The following PHKG2 variants were observed in gnomAD, a reference collection of about 807,000 sequenced individuals.
The protein encoded by PHKG2 is phosphorylase kinase catalytic subunit gamma 2, also known as phosphorylase b kinase gamma catalytic chain, liver/testis isoform.
In PHKG2, 28 loss-of-function variants were observed where a neutral mutation model predicts 44.5. The ratio of observed to expected loss-of-function variants is 0.63; its 90% CI spans 0.47 to 0.86. The LOEUF is 0.86. Among genes scored for constraint, PHKG2 ranks in the 40% least tolerant of loss-of-function variants. The probability of loss-of-function intolerance (pLI) is 0.00; values close to 1 mark genes in which losing one functional copy is unlikely to be tolerated. For missense variants in PHKG2, 498 were observed against 547.5 expected (o/e 0.91, Z 0.90); for synonymous variants, 220 against 211.2 (o/e 1.04, Z -0.36).
At chr16:30,755,511 C>CTA (rs1348952504) in intron 6 of PHKG2, among the ~76,000 whole-genome samples, 2 of 151,014 alleles carry the variant, frequency 1.3e-5, no homozygotes, top group Non-Finnish European at 3.0e-5. Flanking sequence ...CCTGTCTCTA[C>CTA]TAAAGATTCA....
Position 30,748,445 on chromosome 16 carries a change from A to G in PHKG2, c.-64A>G. 1 of 276,454 alleles carries G rather than the reference A, an allele frequency of 3.6e-6. No homozygotes were observed. The highest frequency in any genetic ancestry group is 6.9e-6 in the Non-Finnish European group (1 of 144,358). 17.1% of individuals were successfully genotyped at this position (276,454 alleles called of 1,614,324 possible). ...TGAGCGACTGCAGGCAAACCCGGCG[A>G]CAGCGCAGCTCGCGTCGACCCTGGC... On this transcript the variant is annotated 5_prime_UTR_variant, in exon 1 of 10. Coordinates refer to ENST00000563588, the MANE Select transcript of PHKG2 (RefSeq NM_000294.3).
At chr16:30,750,143 A>G (rs917748520) in intron 2 of PHKG2, among the ~76,000 whole-genome samples, 2 of 152,124 alleles carry the variant, frequency 1.3e-5, no homozygotes, top group African/African-American at 4.8e-5. Context: ...GTAAGAGAGT[A>G]GGAAGTGTTG....
In PHKG2 at chr16:30,758,940, T is replaced by G; in HGVS notation, c.*1843T>G. The G allele has an allele frequency of 6.3e-7, 1 of 1,588,364 alleles. No individual in the cohort carries two copies. Among genetic ancestry groups the G allele is most frequent in the Non-Finnish European group, 8.6e-7 (1 of 1,168,602 alleles). ...ACTAAAAACAAAAAGTCTGAAGTCCTGATGTCATCCAAACCCTTCATTCTA... is the reference window on the plus strand; with the variant it reads ...ACTAAAAACAAAAAGTCTGAAGTCCGGATGTCATCCAAACCCTTCATTCTA... On this transcript the variant is annotated 3_prime_UTR_variant, in exon 10 of 10. Transcript: ENST00000563588.
At chr16:30,752,323 C>T (rs1448722548) in intron 4 of PHKG2, among the ~76,000 whole-genome samples, 3 of 146,802 alleles carry the variant, frequency 2.0e-5, no homozygotes, top group Non-Finnish European at 4.5e-5. Flanking sequence ...ACCCGGGAGG[C>T]GGAGGTTGCA....
Position 30,748,893 on chromosome 16 carries a change from G to T in PHKG2, c.73G>T (p.Asp25Tyr). 6.4e-7 allele frequency: 1 copy of T among 1,553,996 alleles called. No homozygotes were observed. Among genetic ancestry groups the T allele is most frequent in the Non-Finnish European group, 8.7e-7 (1 of 1,148,166 alleles). Reference protein sequence around the residue: ...AAAKEFYQKYDPKDVIGRGVS... With the variant: ...AAAKEFYQKYYPKDVIGRGVS... The stretch of plus-strand genomic sequence containing the variant: ...CGCCAAAGAGTTTTACCAGAAGTAC[G>T]ACCCTAAGGACGTCATCGGCAGGTA... The change falls in exon 2 of 10, where the codon GAC (aspartate) becomes TAC (tyrosine). Residue 25 changes from aspartate to tyrosine, a missense_variant. Asp to Tyr is a radical substitution (Grantham distance 160). Coordinates refer to ENST00000563588, the MANE Select transcript of PHKG2 (RefSeq NM_000294.3).
rs1013916108 is a variant in PHKG2 at position 30,760,390 on chromosome 16, C to A, written c.*3293C>A. The A allele has an allele frequency of 3.1e-6, 5 of 1,614,090 alleles. No individual in the cohort carries two copies. Among genetic ancestry groups the A allele is most frequent in the African/African-American group, 2.7e-5 (2 of 74,930 alleles). ...AAATGAGCGCGTGGCAGAAGAGGTC[C>A]AGGGTGATGGCGTCCCTCAGGCTCT... On this transcript the variant is annotated 3_prime_UTR_variant, in exon 10 of 10. Transcript: ENST00000563588.
At chr16:30,756,560 G>C (rs2053430615) in intron 8 of PHKG2, 30 bp from the exon 9 acceptor site, 9 of 1,613,180 alleles carry the variant, frequency 5.6e-6, no homozygotes, top group Non-Finnish European at 7.6e-6. Context: ...AGGCCCAAGA[G>C]CTGCCCCTCA....
intron 6 of PHKG2, among the ~76,000 whole-genome samples, chr16:30,754,504 C>T (rs188658509): frequency 3.3e-5 from 5 of 152,296 alleles, no homozygotes; most frequent in African/African-American, 1.2e-4. Flanking sequence ...TAAATCCTCT[C>T]CACAGCCCTG....
chr16:30,750,567 T>G (rs1326995751), intron 2 of PHKG2, among the ~76,000 whole-genome samples: 1 of 152,232 alleles, frequency 6.6e-6, no homozygotes, highest in African/African-American at 2.4e-5. Context: ...TGCTGTTGGC[T>G]GCATTTCACA....
chr16:30,759,297 G>A lies in PHKG2; in HGVS notation c.*2200G>A, dbSNP rs767655301. ...TGAAAGGAGTGCACCTGTGCTGAGG[G>A]GAGGGGCGGTTGAGGGTGGCTCCTC... On this transcript the variant is annotated 3_prime_UTR_variant, in exon 10 of 10. Coordinates refer to ENST00000563588, the MANE Select transcript of PHKG2 (RefSeq NM_000294.3). 1 of 1,613,028 alleles carries A rather than the reference G, an allele frequency of 6.2e-7. No homozygotes were observed. Among genetic ancestry groups the A allele is most frequent in the Non-Finnish European group, 8.5e-7 (1 of 1,179,130 alleles).
Position 30,760,592 on chromosome 16 carries a change from C to G in PHKG2, c.*3495C>G. On this transcript the variant is annotated 3_prime_UTR_variant, in exon 10 of 10. Coordinates refer to ENST00000563588, the MANE Select transcript of PHKG2 (RefSeq NM_000294.3). ...TTTGCCAAGAGCTCTTCCCACGCCC[C>G]CCTCAGTCCCTACTCCCTCATCTCA... is the stretch of plus-strand genomic sequence containing the variant. 7 of 1,560,130 alleles carry G rather than the reference C, an allele frequency of 4.5e-6. No individual in the cohort carries two copies. Among genetic ancestry groups the G allele is most frequent in the Non-Finnish European group, 6.1e-6 (7 of 1,151,382 alleles).
intron 6 of PHKG2, among the ~76,000 whole-genome samples, chr16:30,755,512 T>C (rs2053406743): frequency 1.3e-5 from 2 of 150,546 alleles, no homozygotes; most frequent in Non-Finnish European, 3.0e-5. Flanking sequence ...CTGTCTCTAC[T>C]AAAGATTCAA....
At position 30,756,225 on chromosome 16, in the gene PHKG2, A is replaced by G. The variant is rs778467590; in HGVS notation, c.600A>G (p.Lys200=). 3 of 1,614,116 alleles carry G rather than the reference A, an allele frequency of 1.9e-6. No individual in the cohort carries two copies. The South Asian group carries it at 3.3e-5, about 18-fold the overall frequency. The change falls in exon 7 of 10, where the codon AAA becomes AAG. Residue 200 remains lysine (K), a synonymous_variant. Coordinates refer to ENST00000563588, the MANE Select transcript of PHKG2 (RefSeq NM_000294.3). ...GGTATCTAGCGCCAGAGATCCTTAA[A>G]TGCTCCATGGATGAAACCCACCCAG... ...TPGYLAPEIL[K]CSMDETHPGY...
At chr16:30,755,134 C>T (rs984418151) in intron 6 of PHKG2, 18 of 317,618 alleles carry the variant, frequency 5.7e-5, no homozygotes, top group Middle Eastern at 1.9e-3. Flanking sequence ...CCCAGCTACT[C>T]GGGAGGCTGA....
rs1346156701 is a variant in PHKG2, at chr16:30,761,059, T to C, written c.*3962T>C. 3.0e-6 allele frequency: 3 copies of C among 988,802 alleles called. No homozygotes were observed. In the East Asian group the frequency reaches 7.8e-5, roughly 26 times the overall value. 61.3% of individuals were successfully genotyped at this position (988,802 alleles called of 1,614,324 possible). ...GGACTGGAGAGGCTGGAAAGCCAAC[T>C]TCCAGTCACCTGGAGTAATTGCATC... On this transcript the variant is annotated 3_prime_UTR_variant, in exon 10 of 10. Transcript: ENST00000563588.
Position 30,760,905 on chromosome 16 carries a change from C to T in PHKG2, c.*3808C>T. ...ATTCTTTTTTCTGCTCTGCCACTAC[C>T]TTGTATGACCTTGGTCAAGTACTCC... On this transcript the variant is annotated 3_prime_UTR_variant, in exon 10 of 10. Transcript: ENST00000563588. 1 of 615,332 alleles carries T rather than the reference C, an allele frequency of 1.6e-6. No homozygotes were observed. The allele number at this position is 615,332 out of a possible 1,614,324, so 38.1% of individuals were successfully genotyped here.
chr16:30,751,099 C>G lies in PHKG2; in HGVS notation c.96-7C>G, dbSNP rs898984695. On this transcript the variant is annotated splice_polypyrimidine_tract_variant and splice_region_variant and intron_variant, in intron 2 of 9. Coordinates refer to ENST00000563588, the MANE Select transcript of PHKG2 (RefSeq NM_000294.3). ...CCCTGACTTGTGCTATTTTCCGGCT[C>G]TTGCAGAGGAGTGAGCTCTGTGGTC... 2.5e-6 allele frequency: 4 copies of G among 1,613,112 alleles called. No individual in the cohort carries two copies. The highest frequency in any genetic ancestry group is 2.2e-5 in the East Asian group (1 of 44,902).
chr16:30,749,564 T>C (rs1596678908), intron 2 of PHKG2, among the ~76,000 whole-genome samples: 2 of 152,160 alleles, frequency 1.3e-5, no homozygotes, highest in East Asian at 3.9e-4. Flanking sequence ...CACGCTGGTC[T>C]TGAACTCCTG....
intron 1 of PHKG2, 61 bp from the exon 2 acceptor site, chr16:30,748,742 A>T (rs1037373510): frequency 5.2e-5 from 38 of 725,686 alleles, no homozygotes; most frequent in Admixed American, 3.9e-4. Context: ...GGGAGCCGCC[A>T]TGCGGGTCGT....
Sources: gnomAD v4.1 joint callset for allele counts (sites outside exome capture counted in the v4.1 genomes callset) on GRCh38, gnomAD v4.1.1 for gene constraint, MANE v1.5 for transcripts, NCBI Gene and HGNC (gene_info 2026-07-23, HGNC 2026-07-21) for gene names.